The following PSD3 variants were observed in gnomAD, a reference collection of about 807,000 sequenced individuals.
The protein encoded by PSD3 is PH and SEC7 domain-containing protein 3.
A neutral mutation model predicts 105.5 loss-of-function variants in PSD3; 49 were observed. The ratio of observed to expected loss-of-function variants is 0.46; its 90% CI spans 0.37 to 0.59. The LOEUF is 0.59. Among genes scored for constraint, PSD3 ranks in the 20% least tolerant of loss-of-function variants. PSD3 has a pLI of 0.00. For synonymous variants in PSD3, 557 were observed against 457.8 expected, an observed-to-expected ratio of 1.22 and a Z score of -2.77; for missense variants, 1,561 against 1,263.8, an observed-to-expected ratio of 1.24 and a Z score of -3.57.
chr8:18,775,517 T>C (rs540238470), intron 8 of PSD3, among the ~76,000 whole-genome samples: 4 of 152,336 alleles, frequency 2.6e-5, no homozygotes, highest in African/African-American at 9.6e-5. Flanking sequence ...TTTATTGTCT[T>C]TTTGATAAAA....
intron 15 of PSD3, among the ~76,000 whole-genome samples, chr8:18,538,100 G>A (rs1563300484): frequency 1.3e-5 from 2 of 152,212 alleles, no homozygotes; most frequent in Non-Finnish European, 2.9e-5. Flanking sequence ...ATGGAAAGAC[G>A]GAGAGAGCCA....
intron 7 of PSD3, among the ~76,000 whole-genome samples, chr8:18,800,425 G>C (rs1174589331): frequency 6.6e-6 from 1 of 152,172 alleles, no homozygotes; most frequent in East Asian, 1.9e-4. Flanking sequence ...CCAATACCAA[G>C]TAAACTATCC....
intron 9 of PSD3, among the ~76,000 whole-genome samples, chr8:18,672,088 T>A (rs1018020885): frequency 6.6e-6 from 1 of 152,242 alleles, no homozygotes; most frequent in African/African-American, 2.4e-5. Context: ...TGATGAAATT[T>A]GTTAATGTCC....
intron 1 of PSD3, among the ~76,000 whole-genome samples, chr8:18,963,692 C>A (rs942935074): frequency 2.0e-5 from 3 of 152,152 alleles, no homozygotes; most frequent in African/African-American, 7.2e-5. Flanking sequence ...GAATGGCCAA[C>A]AGCAATGTTT....
At chr8:18,542,435 C>A (rs963007332) in intron 15 of PSD3, among the ~76,000 whole-genome samples, 1 of 152,174 alleles carries the variant, frequency 6.6e-6, no homozygotes, top group African/African-American at 2.4e-5. Flanking sequence ...AGGACGGAAT[C>A]TGCTGTTGGT....
intron 8 of PSD3, among the ~76,000 whole-genome samples, chr8:18,772,293 T>C (rs576212988): frequency 6.6e-6 from 1 of 152,186 alleles, no homozygotes; most frequent in African/African-American, 2.4e-5. Context: ...TCTCATTTTT[T>C]TGTGGACCCT....
intron 8 of PSD3, among the ~76,000 whole-genome samples, chr8:18,773,776 T>G (rs1222354818): frequency 6.6e-6 from 1 of 152,190 alleles, no homozygotes; most frequent in Non-Finnish European, 1.5e-5. Context: ...TGTCCATTTC[T>G]TTACATACAT....
intron 2 of PSD3, among the ~76,000 whole-genome samples, chr8:18,910,634 TAATA>T (rs1820152121): frequency 4.5e-5 from 2 of 44,590 alleles, no homozygotes; most frequent in African/African-American, 2.6e-4. Flanking sequence ...ACTTAGAGTA[TAATA>T]AAAAAAAAAA....
intron 1 of PSD3, chr8:18,979,671 A>T: frequency 6.0e-6 from 1 of 166,140 alleles, no homozygotes; most frequent in Admixed American, 5.5e-5. Flanking sequence ...CAATGAACTC[A>T]CAAGTGTAGA....
chr8:18,594,230 TA>T, intron 12 of PSD3, among the ~76,000 whole-genome samples: 1 of 7,852 alleles, frequency 1.3e-4, no homozygotes, highest in Admixed American at 2.4e-3. Flanking sequence ...ATATATTATA[TA>T]ATATATATTA....
chr8:19,061,669 G>C (rs1290307474), intron 1 of PSD3, among the ~76,000 whole-genome samples: 1 of 152,106 alleles, frequency 6.6e-6, no homozygotes, highest in East Asian at 1.9e-4. Flanking sequence ...GCCAGGTGTG[G>C]TGGGGTGTGC....
chr8:18,806,869 AAAAT>A (rs1366112511), intron 4 of PSD3, among the ~76,000 whole-genome samples: 8 of 152,352 alleles, frequency 5.3e-5, no homozygotes, highest in Admixed American at 5.2e-4. Flanking sequence ...TAATCATTAC[AAAAT>A]AAATAAAGAA....
intron 4 of PSD3, among the ~76,000 whole-genome samples, chr8:18,819,574 G>GTTTTTT (rs1189272400): frequency 7.3e-5 from 8 of 109,414 alleles, no homozygotes; most frequent in East Asian, 4.7e-4. Flanking sequence ...AATTAGAATG[G>GTTTTTT]ATTTTTTTTT....
intron 14 of PSD3, among the ~76,000 whole-genome samples, chr8:18,561,665 T>A (rs1284556425): frequency 6.6e-6 from 1 of 152,222 alleles, no homozygotes; most frequent in Non-Finnish European, 1.5e-5. Flanking sequence ...GAAATACATA[T>A]AATTATTATA....
chr8:18,863,402 C>T (rs1484375228), intron 4 of PSD3, among the ~76,000 whole-genome samples: 2 of 152,096 alleles, frequency 1.3e-5, no homozygotes, highest in African/African-American at 4.8e-5. Flanking sequence ...GCACCGCTGA[C>T]CCCCGGTCAG....
chr8:18,735,785 T>G (rs977979209), intron 9 of PSD3, among the ~76,000 whole-genome samples: 1 of 152,182 alleles, frequency 6.6e-6, no homozygotes. Context: ...ACAACAGTTC[T>G]TCAAATAATT....
At chr8:19,011,076 C>A (rs1826929245) in intron 1 of PSD3, among the ~76,000 whole-genome samples, 1 of 151,990 alleles carries the variant, frequency 6.6e-6, no homozygotes, top group South Asian at 2.1e-4. Flanking sequence ...GAATTCCTTT[C>A]CAAAAATTGG....
At position 18,804,410 on chromosome 8, in the gene PSD3, T is replaced by C. The variant is rs999585999; in HGVS notation, c.1910+112A>G. ...TTTTGGAGAAGGAATACTCCACCTA[T>C]ACATGGAGGTTTAAAAAAAAAAAAT... On this transcript the variant is annotated intron_variant, in intron 6 of 15. Coordinates refer to ENST00000327040, the MANE Select transcript of PSD3 (RefSeq NM_015310.4). The C allele has an allele frequency of 1.8e-5, 15 of 856,524 alleles. No individual in the cohort carries two copies. The East Asian group carries it at 3.2e-4, about 18-fold the overall frequency. 53.1% of individuals were successfully genotyped at this position (856,524 alleles called of 1,614,324 possible). A position where few individuals can be genotyped will look rare whatever the true frequency, so the allele number is the denominator to read the frequency against.
intron 10 of PSD3, among the ~76,000 whole-genome samples, chr8:18,634,403 C>G (rs1807112308): frequency 6.6e-6 from 1 of 152,098 alleles, no homozygotes; most frequent in Admixed American, 6.6e-5. Flanking sequence ...TGCCCAGCTT[C>G]TCCTAATATT....
Sources: gnomAD v4.1 joint callset for allele counts (sites outside exome capture counted in the v4.1 genomes callset) on GRCh38, gnomAD v4.1.1 for gene constraint, MANE v1.5 for transcripts, NCBI Gene and HGNC (gene_info 2026-07-23, HGNC 2026-07-21) for gene names.